NCK2: variants seen among roughly 807,000 people sequenced by gnomAD.
NCK2 encodes cytoplasmic protein NCK2.
NCK2 carries 16 observed loss-of-function variants against 33.9 expected under a neutral mutation model. The ratio of observed to expected loss-of-function variants is 0.47; its 90% CI spans 0.32 to 0.72. The LOEUF is 0.72. Among genes scored for constraint, NCK2 ranks in the 30% least tolerant of loss-of-function variants. NCK2 has a pLI of 0.03. For synonymous variants in NCK2, 273 were observed against 239.9 expected, an observed-to-expected ratio of 1.14 and a Z score of -1.27; for missense variants, 418 against 537.3, an observed-to-expected ratio of 0.78 and a Z score of 2.19.
intron 3 of NCK2, among the ~76,000 whole-genome samples, chr2:105,874,450 A>AC (rs1340114587): frequency 6.6e-6 from 1 of 152,060 alleles, no homozygotes; most frequent in Non-Finnish European, 1.5e-5. Flanking sequence ...AGTGGGGGAA[A>AC]CCCCCACAGA....
intron 1 of NCK2, among the ~76,000 whole-genome samples, chr2:105,803,947 A>G (rs1021951382): frequency 1.3e-5 from 2 of 152,202 alleles, no homozygotes; most frequent in African/African-American, 4.8e-5. Context: ...TGAGGATACC[A>G]TGTGCCTTGT....
Position 105,893,343 on chromosome 2 carries a change from C to A in NCK2, c.*167C>A. ...CGTCTCCCATTTGCCATCCAGGCCT[C>A]ACACCCACACTCGAGCCCACCCGGC... On this transcript the variant is annotated 3_prime_UTR_variant, in exon 5 of 5. Transcript: ENST00000233154. 1.5e-6 allele frequency: 1 copy of A among 653,542 alleles called. No individual in the cohort carries two copies. The highest frequency in any genetic ancestry group is 2.5e-6 in the Non-Finnish European group (1 of 394,446). The allele number at this position is 653,542 out of a possible 1,614,324, so 40.5% of individuals were successfully genotyped here. A position where few individuals can be genotyped will look rare whatever the true frequency, so the allele number is the denominator to read the frequency against.
intron 3 of NCK2, among the ~76,000 whole-genome samples, chr2:105,869,062 C>T (rs147348581): frequency 6.6e-6 from 1 of 152,346 alleles, no homozygotes; most frequent in African/African-American, 2.4e-5. Flanking sequence ...GATCCAGCCC[C>T]GCTGCCCACC....
chr2:105,859,320 T>C (rs1009824541), intron 3 of NCK2, among the ~76,000 whole-genome samples: 3 of 152,172 alleles, frequency 2.0e-5, no homozygotes, highest in Admixed American at 6.5e-5. Context: ...TACGGTTCCA[T>C]TTACAACCTG....
At chr2:105,824,005 G>A (rs2104504944) in intron 2 of NCK2, among the ~76,000 whole-genome samples, 1 of 152,238 alleles carries the variant, frequency 6.6e-6, no homozygotes, top group East Asian at 1.9e-4. Flanking sequence ...AGTCTGCAGT[G>A]GTGACGTCCC....
At chr2:105,855,381 AGTC>A in intron 3 of NCK2, 92 bp downstream of exon 3, 1 of 1,041,800 alleles carries the variant, frequency 9.6e-7, no homozygotes, top group Non-Finnish European at 1.4e-6. Flanking sequence ...AAAAAAAAAA[AGTC>A]TGTTTTAAAA....
intron 2 of NCK2, chr2:105,848,607 C>T (rs1039905529): frequency 1.3e-5 from 2 of 152,174 alleles, no homozygotes; most frequent in African/African-American, 4.8e-5. Flanking sequence ...GCCTCCAACA[C>T]GCTGCAAGAG....
chr2:105,891,597 A>G (rs1678989788), intron 4 of NCK2, among the ~76,000 whole-genome samples: 2 of 118,704 alleles, frequency 1.7e-5, no homozygotes, highest in Non-Finnish European at 3.2e-5. Flanking sequence ...TGCCCAGACC[A>G]GAGTGCAGTG....
chr2:105,744,901 C>G (rs943251396), upstream of NCK2: 1 of 160,016 alleles, frequency 6.2e-6, no homozygotes, highest in Non-Finnish European at 1.3e-5. Context: ...GCCGCTGCCG[C>G]GGGGATCGTC....
At chr2:105,878,976 T>G (rs1480810571) in intron 3 of NCK2, among the ~76,000 whole-genome samples, 1 of 152,212 alleles carries the variant, frequency 6.6e-6, no homozygotes, top group East Asian at 1.9e-4. Context: ...TTAATTAGAT[T>G]ACTGTATTTT....
In NCK2 at chr2:105,745,132, C is replaced by G. The variant is rs987269431; in HGVS notation, c.-207C>G. ...GCCCTCCGGCTCCGCGGGCGGCCCACGGCGAGGTAAGCGCGGCTAGGCGGG... is the reference window on the plus strand; with the variant it reads ...GCCCTCCGGCTCCGCGGGCGGCCCAGGGCGAGGTAAGCGCGGCTAGGCGGG... On this transcript the variant is annotated 5_prime_UTR_variant, in exon 1 of 5. Coordinates refer to ENST00000233154, the MANE Select transcript of NCK2 (RefSeq NM_003581.5). 1 of 148,142 alleles carries G rather than the reference C, an allele frequency of 6.8e-6. No individual in the cohort carries two copies. The allele number at this position is 148,142 out of a possible 1,614,324, so 9.2% of individuals were successfully genotyped here. A position where few individuals can be genotyped will look rare whatever the true frequency, so the allele number is the denominator to read the frequency against.
At chr2:105,833,675 G>A (rs1676283031) in intron 2 of NCK2, among the ~76,000 whole-genome samples, 1 of 150,776 alleles carries the variant, frequency 6.6e-6, no homozygotes, top group Non-Finnish European at 1.5e-5. Flanking sequence ...CATTTTTTTG[G>A]CCTCTTTTGT....
chr2:105,823,986 C>T (rs1434667679), intron 2 of NCK2, among the ~76,000 whole-genome samples: 1 of 152,122 alleles, frequency 6.6e-6, no homozygotes, highest in South Asian at 2.1e-4. Flanking sequence ...GCGTGAACTC[C>T]AAGTCAGGAG....
chr2:105,858,681 G>T lies in NCK2; in HGVS notation c.226+3392G>T, dbSNP rs116331553. Among the ~76,000 whole-genome samples the T allele has an allele frequency of 1.0e-3, 154 of 151,904 alleles. 2 individuals are homozygous for T. Among genetic ancestry groups the T allele is most frequent in the African/African-American group, 3.6e-3 (150 of 41,406 alleles). On this transcript the variant is annotated intron_variant, in intron 3 of 4. Transcript: ENST00000233154. Reference sequence around the variant, plus strand: ...CTGTGTAGTTCTCTCCTGCTTTCTTGTACTCATTTGCTGTCCTGAAGTTGT... The same window carrying T: ...CTGTGTAGTTCTCTCCTGCTTTCTTTTACTCATTTGCTGTCCTGAAGTTGT...
intron 4 of NCK2, among the ~76,000 whole-genome samples, chr2:105,885,716 A>G (rs1678693914): frequency 6.6e-6 from 1 of 152,178 alleles, no homozygotes; most frequent in Non-Finnish European, 1.5e-5. Flanking sequence ...CTTGATCCCT[A>G]TGATGCATTC....
chr2:105,824,576 A>G (rs142498577), intron 2 of NCK2, among the ~76,000 whole-genome samples: 1 of 151,974 alleles, frequency 6.6e-6, no homozygotes, highest in East Asian at 1.9e-4. Flanking sequence ...TCATTTAGTA[A>G]CGTTTTTGTA....
chr2:105,821,810 C>T (rs570958319), intron 2 of NCK2, among the ~76,000 whole-genome samples: 23 of 141,262 alleles, frequency 1.6e-4, no homozygotes, highest in African/African-American at 6.0e-4. Context: ...GCATGCTCAA[C>T]TGTGTGACTC....
intron 1 of NCK2, among the ~76,000 whole-genome samples, chr2:105,779,645 G>T (rs1034616536): frequency 1.3e-5 from 2 of 152,080 alleles, no homozygotes; most frequent in African/African-American, 2.4e-5. Context: ...CTTGCTCTCC[G>T]CCCACGGGAG....
intron 1 of NCK2, among the ~76,000 whole-genome samples, chr2:105,769,995 A>AT (rs1252429720): frequency 6.6e-6 from 1 of 152,098 alleles, no homozygotes; most frequent in Non-Finnish European, 1.5e-5. Context: ...TGGTGCCTCC[A>AT]TTTCCTTCAC....
Sources: allele counts gnomAD v4.1 joint callset (sites outside exome capture counted in the v4.1 genomes callset), GRCh38; gene constraint gnomAD v4.1.1; transcripts MANE v1.5; gene names NCBI Gene and HGNC (gene_info 2026-07-23, HGNC 2026-07-21).